LRMDA: variants seen among roughly 807,000 people sequenced by gnomAD.
The protein encoded by LRMDA is leucine-rich melanocyte differentiation-associated protein.
Under a neutral mutation model 29.8 loss-of-function variants are expected in LRMDA, and 18 were observed. The observed-to-expected ratio is 0.60, with a 90% CI of 0.42 to 0.90. The LOEUF is 0.90. Among genes scored for constraint, LRMDA ranks in the 40% least tolerant of loss-of-function variants. LRMDA has a pLI of 0.00. For missense variants in LRMDA, 273 were observed against 273.9 expected, an observed-to-expected ratio of 1.00 and a Z score of 0.02; for synonymous variants, 125 against 109.4, an observed-to-expected ratio of 1.14 and a Z score of -0.89.
intron 2 of LRMDA, among the ~76,000 whole-genome samples, chr10:75,949,843 C>A (rs914716188): frequency 6.6e-6 from 1 of 152,082 alleles, no homozygotes; most frequent in Non-Finnish European, 1.5e-5. Flanking sequence ...TTTCTTCTGC[C>A]CCAAGGAAAA....
In LRMDA at chr10:76,558,388, A is replaced by G. The variant is rs1430575303; in HGVS notation, c.*1100A>G. ...TCAGAAATCAAATCCACAGGTTGTGAGACAGTGCTCTGTCTTCCTGTATGC... is the reference window on the plus strand; with the variant it reads ...TCAGAAATCAAATCCACAGGTTGTGGGACAGTGCTCTGTCTTCCTGTATGC... On this transcript the variant is annotated 3_prime_UTR_variant, in exon 7 of 7. Transcript: ENST00000611255. 1 of 152,196 alleles carries G rather than the reference A, an allele frequency of 6.6e-6. No individual in the cohort carries two copies. The highest frequency in any genetic ancestry group is 1.5e-5 in the Non-Finnish European group (1 of 68,046). The allele number at this position is 152,196 out of a possible 1,614,324, so 9.4% of individuals were successfully genotyped here.
intron 2 of LRMDA, among the ~76,000 whole-genome samples, chr10:75,613,651 T>C (rs1841062512): frequency 6.6e-6 from 1 of 152,178 alleles, no homozygotes; most frequent in Non-Finnish European, 1.5e-5. Context: ...AAAAACAAGA[T>C]TTCTTATGCA....
chr10:76,349,855 C>T (rs574224218), intron 6 of LRMDA, among the ~76,000 whole-genome samples: 4 of 152,122 alleles, frequency 2.6e-5, no homozygotes, highest in East Asian at 3.9e-4. Context: ...TCCTGGGACT[C>T]TACCACAGGA....
chr10:76,133,772 C>T (rs189977604), intron 5 of LRMDA, among the ~76,000 whole-genome samples: 133 of 152,196 alleles, frequency 8.7e-4, no homozygotes, highest in South Asian at 8.3e-4. Flanking sequence ...CTTTGTCAAC[C>T]GCTCATCATT....
At chr10:76,268,883 G>A (rs1050726904) in intron 5 of LRMDA, among the ~76,000 whole-genome samples, 1 of 151,944 alleles carries the variant, frequency 6.6e-6, no homozygotes, top group African/African-American at 2.4e-5. Flanking sequence ...GAGCTTATTG[G>A]CCCCCTAGGT....
At chr10:76,205,548 A>C (rs1851518726) in intron 5 of LRMDA, among the ~76,000 whole-genome samples, 1 of 152,220 alleles carries the variant, frequency 6.6e-6, no homozygotes, top group Admixed American at 6.5e-5. Flanking sequence ...TTTGGGTCAG[A>C]TGTCTCATTC....
intron 2 of LRMDA, among the ~76,000 whole-genome samples, chr10:75,464,590 G>A (rs1471569097): frequency 2.6e-5 from 4 of 152,256 alleles, no homozygotes; most frequent in Admixed American, 1.3e-4. Context: ...AGAAAGGAAC[G>A]GCATGAGGAT....
At chr10:75,787,007 T>A (rs935002587) in intron 2 of LRMDA, among the ~76,000 whole-genome samples, 7 of 152,184 alleles carry the variant, frequency 4.6e-5, no homozygotes, top group African/African-American at 1.7e-4. Context: ...TATGACCACC[T>A]TGGGGAATGT....
intron 5 of LRMDA, among the ~76,000 whole-genome samples, chr10:76,286,377 G>T (rs1171792046): frequency 6.6e-6 from 1 of 152,148 alleles, no homozygotes; most frequent in African/African-American, 2.4e-5. Context: ...CGGTGACCCC[G>T]GGCTTTTCTA....
At chr10:76,101,717 C>T (rs1168971327) in intron 5 of LRMDA, among the ~76,000 whole-genome samples, 1 of 149,568 alleles carries the variant, frequency 6.7e-6, no homozygotes, top group East Asian at 1.9e-4. Flanking sequence ...GCCTGGGCAA[C>T]GAGATTGAGA....
intron 5 of LRMDA, among the ~76,000 whole-genome samples, chr10:76,167,555 A>G (rs1850763406): frequency 6.6e-6 from 1 of 152,150 alleles, no homozygotes; most frequent in Non-Finnish European, 1.5e-5. Flanking sequence ...CAAAGATCAG[A>G]TAGTTGTAGA....
At chr10:75,542,059 C>T (rs1013517174) in intron 2 of LRMDA, among the ~76,000 whole-genome samples, 1 of 152,072 alleles carries the variant, frequency 6.6e-6, no homozygotes, top group Non-Finnish European at 1.5e-5. Flanking sequence ...AATTATCCAG[C>T]GCTTGATGTC....
intron 5 of LRMDA, among the ~76,000 whole-genome samples, chr10:76,237,510 A>G (rs2132279696): frequency 6.6e-6 from 1 of 152,344 alleles, no homozygotes. Flanking sequence ...AACTTAAAAT[A>G]CTGTATGTTG....
chr10:75,959,951 G>T (rs1018476327), intron 2 of LRMDA, among the ~76,000 whole-genome samples: 1 of 152,152 alleles, frequency 6.6e-6, no homozygotes, highest in Non-Finnish European at 1.5e-5. Flanking sequence ...GTGGATTAAG[G>T]CTACTCAAGT....
In LRMDA at chr10:75,517,780, G is replaced by A. The variant is rs183712026; in HGVS notation, c.131+79286G>A. On this transcript the variant is annotated intron_variant, in intron 2 of 6. Transcript: ENST00000611255. ...GAGAGGGCATCCTTGTCTTGTGCCAGTTTTCAAAGGGAATGCTTCCAGTTT... is the reference window on the plus strand; with the variant it reads ...GAGAGGGCATCCTTGTCTTGTGCCAATTTTCAAAGGGAATGCTTCCAGTTT... Among the ~76,000 whole-genome samples, 7 of 152,258 alleles carry A rather than the reference G, an allele frequency of 4.6e-5. No homozygotes were observed. The East Asian group carries it at 1.2e-3, about 25-fold the overall frequency.
At chr10:76,077,430 G>C (rs935758651) in intron 5 of LRMDA, among the ~76,000 whole-genome samples, 5 of 152,282 alleles carry the variant, frequency 3.3e-5, no homozygotes, top group Middle Eastern at 3.4e-3. Context: ...TGTAGGGCAG[G>C]TTATCTGTCT....
intron 2 of LRMDA, among the ~76,000 whole-genome samples, chr10:75,830,274 A>G (rs1025791485): frequency 6.6e-6 from 1 of 152,102 alleles, no homozygotes; most frequent in Non-Finnish European, 1.5e-5. Context: ...TTGACCCTAC[A>G]TCTCCTGCTG....
At chr10:76,381,392 C>A (rs933778694) in intron 6 of LRMDA, among the ~76,000 whole-genome samples, 7 of 152,030 alleles carry the variant, frequency 4.6e-5, no homozygotes, top group African/African-American at 1.4e-4. Flanking sequence ...CCATATATAT[C>A]ACCAATACCT....
chr10:76,156,881 C>T (rs191056945), intron 5 of LRMDA, among the ~76,000 whole-genome samples: 1 of 152,120 alleles, frequency 6.6e-6, no homozygotes, highest in Non-Finnish European at 1.5e-5. Flanking sequence ...TTCACTTATC[C>T]CACTGAATTA....
Sources: allele counts gnomAD v4.1 joint callset (sites outside exome capture counted in the v4.1 genomes callset), GRCh38; gene constraint gnomAD v4.1.1; transcripts MANE v1.5; gene names NCBI Gene and HGNC (gene_info 2026-07-23, HGNC 2026-07-21).